Variants in UBXN2B observed in about 807,000 individuals in gnomAD.
UBXN2B encodes the protein UBX domain-containing protein 2B.
In UBXN2B, 19 loss-of-function variants were observed where a neutral mutation model predicts 37.5. The observed-to-expected ratio is 0.51, with a 90% CI of 0.35 to 0.74. UBXN2B has a LOEUF of 0.74. UBXN2B is among the 30% of genes least tolerant of loss of function. UBXN2B has a pLI of 0.01. For synonymous variants in UBXN2B, 145 were observed against 143.8 expected, an observed-to-expected ratio of 1.01 and a Z score of -0.06; for missense variants, 370 against 393.2, an observed-to-expected ratio of 0.94 and a Z score of 0.50.
chr8:58,427,281 T>C (rs190992913), intron 2 of UBXN2B, among the ~76,000 whole-genome samples: 97 of 152,198 alleles, frequency 6.4e-4, no homozygotes, highest in African/African-American at 2.2e-3. Context: ...ACCAGCCTGG[T>C]TAACAGGGCT....
At chr8:58,417,934 C>T (rs1198112042) in intron 2 of UBXN2B, among the ~76,000 whole-genome samples, 4 of 152,070 alleles carry the variant, frequency 2.6e-5, no homozygotes, top group Non-Finnish European at 5.9e-5. Context: ...ATTGATAACA[C>T]CTTACAAAAT....
intron 2 of UBXN2B, among the ~76,000 whole-genome samples, chr8:58,427,181 A>C (rs1290549519): frequency 6.6e-6 from 1 of 152,224 alleles, no homozygotes; most frequent in Non-Finnish European, 1.5e-5. Flanking sequence ...AAGATTTTGG[A>C]TTCAAGGCCA....
chr8:58,434,635 G>A (rs185739348), intron 5 of UBXN2B, 131 bp downstream of exon 5: 3 of 927,414 alleles, frequency 3.2e-6, no homozygotes, highest in African/African-American at 3.4e-5. Flanking sequence ...ATGGTTGCTG[G>A]GGGTGTAGGT....
intron 6 of UBXN2B, 74 bp from the exon 7 acceptor site, chr8:58,445,833 T>A: frequency 7.6e-7 from 1 of 1,310,374 alleles, no homozygotes; most frequent in South Asian, 1.7e-5. Flanking sequence ...AGCCATGTTC[T>A]AAGTGTTTAT....
rs1369116267 is a variant in UBXN2B, at chr8:58,411,423, A to C, written c.38A>C (p.Glu13Ala). Residue 13 changes from glutamate to alanine, a missense_variant, in exon 1 of 8, where the codon GAG (glutamate) becomes GCG (alanine). By Grantham distance (107) the Glu-to-Ala change is moderately radical (BLOSUM62 -1). This residue lies in a region of UBXN2B where 197 missense variants were observed against 170.2 expected (regional missense o/e 1.16). Transcript: ENST00000399598. ...EGGGPEPGEQ[E>A]RRSSGPRPPS... ...GGAGGCCCTGAGCCCGGCGAGCAGG[A>C]GAGGAGGTCTTCCGGGCCGCGGCCT... 7 of 1,267,756 alleles carry C rather than the reference A, an allele frequency of 5.5e-6. No homozygotes were observed. In the African/African-American group the frequency reaches 7.7e-5, roughly 14 times the overall value. The allele number at this position is 1,267,756 out of a possible 1,614,324, so 78.5% of individuals were successfully genotyped here. A position where few individuals can be genotyped will look rare whatever the true frequency, so the allele number is the denominator to read the frequency against.
rs1585589322 is a variant in UBXN2B at position 58,412,709 on chromosome 8, G to A, written c.84+1240G>A. Among the ~76,000 whole-genome samples the A allele has an allele frequency of 2.6e-5, 4 of 152,186 alleles. No individual in the cohort carries two copies. In the East Asian group the frequency reaches 7.7e-4, roughly 29 times the overall value. On this transcript the variant is annotated intron_variant, in intron 1 of 7. Transcript: ENST00000399598. ...CAATTTTGGTTTGCCTCTTAGTCCT[G>A]CTACTTAGTAGTTTTGTGAACTTAG...
intron 5 of UBXN2B, among the ~76,000 whole-genome samples, chr8:58,437,035 A>G (rs1042072681): frequency 2.6e-5 from 4 of 152,210 alleles, no homozygotes; most frequent in African/African-American, 9.6e-5. Context: ...CAGTGGTTGG[A>G]AGACTTTGGA....
At chr8:58,425,889 T>C (rs1839952127) in intron 2 of UBXN2B, 2 of 1,179,446 alleles carry the variant, frequency 1.7e-6, no homozygotes, top group African/African-American at 3.0e-5. Flanking sequence ...CCGTTATTGT[T>C]CTCCCCTTTG....
At chr8:58,430,974 C>A (rs186279841) in intron 3 of UBXN2B, among the ~76,000 whole-genome samples, 7 of 152,278 alleles carry the variant, frequency 4.6e-5, no homozygotes, top group East Asian at 1.9e-4. Context: ...ATGGTTCCCC[C>A]CAATGGTTAC....
At chr8:58,438,032 C>T (rs1808458449) in intron 5 of UBXN2B, among the ~76,000 whole-genome samples, 1 of 151,734 alleles carries the variant, frequency 6.6e-6, no homozygotes, top group East Asian at 2.0e-4. Flanking sequence ...GCCCAGCTGC[C>T]CTGTGCAGCC....
rs1808765766 is a variant in UBXN2B at position 58,449,858 on chromosome 8, A to G, written c.*2307A>G. On this transcript the variant is annotated 3_prime_UTR_variant, in exon 8 of 8. Transcript: ENST00000399598. ...TATTCTCTAAAGCTTTCTGTTAAAA[A>G]TGGTGGTGCTTCTGCTGCTATAACG... is the stretch of plus-strand genomic sequence containing the variant. 1 of 152,240 alleles carries G rather than the reference A, an allele frequency of 6.6e-6. No homozygotes were observed. 9.4% of individuals were successfully genotyped at this position (152,240 alleles called of 1,614,324 possible).
intron 2 of UBXN2B, among the ~76,000 whole-genome samples, chr8:58,423,988 A>G (rs1286781051): frequency 2.6e-5 from 4 of 151,930 alleles, no homozygotes; most frequent in East Asian, 1.9e-4. Flanking sequence ...TTCCTTTTCT[A>G]TGACTCTTCA....
At chr8:58,446,186 G>T in intron 7 of UBXN2B, 118 bp downstream of exon 7, 2 of 1,131,910 alleles carry the variant, frequency 1.8e-6, no homozygotes, top group Admixed American at 3.1e-5. Context: ...GTTTACTTTT[G>T]AAGTAAGTTT....
chr8:58,417,659 A>G (rs553477010), intron 2 of UBXN2B, among the ~76,000 whole-genome samples: 90 of 152,290 alleles, frequency 5.9e-4, no homozygotes, highest in Non-Finnish European at 9.4e-4. Flanking sequence ...TGGGGAAGAA[A>G]CGTCAGTTTT....
chr8:58,442,955 TCTC>T (rs937948064), intron 6 of UBXN2B, among the ~76,000 whole-genome samples: 3 of 152,176 alleles, frequency 2.0e-5, no homozygotes, highest in African/African-American at 4.8e-5. Flanking sequence ...AGGGCTGTCT[TCTC>T]TAAAACTTCA....
chr8:58,425,293 A>G, intron 2 of UBXN2B: 2 of 1,152,704 alleles, frequency 1.7e-6, no homozygotes, highest in Middle Eastern at 2.0e-4. Context: ...TCCTCTCTCC[A>G]CTTCTTTCGT....
intron 2 of UBXN2B, chr8:58,424,679 G>C: frequency 2.5e-6 from 3 of 1,182,600 alleles, no homozygotes; most frequent in Non-Finnish European, 3.7e-6. Context: ...TGGAGTTGGA[G>C]TACAAGGCGG....
chr8:58,431,004 T>C (rs971791931), intron 3 of UBXN2B, among the ~76,000 whole-genome samples: 1 of 152,186 alleles, frequency 6.6e-6, no homozygotes, highest in Non-Finnish European at 1.5e-5. Context: ...GATTGTAGTA[T>C]AATATGAAAG....
intron 4 of UBXN2B, 29 bp downstream of exon 4, chr8:58,433,272 A>G (rs1359809733): frequency 1.3e-6 from 2 of 1,541,510 alleles, no homozygotes; most frequent in Non-Finnish European, 1.8e-6. Flanking sequence ...ATGAAAAAGT[A>G]TAAATATTTG....
Sources: gnomAD v4.1 joint callset for allele counts (sites outside exome capture counted in the v4.1 genomes callset) on GRCh38, gnomAD v4.1.1 for gene constraint, gnomAD v4.1.1 regional missense constraint, MANE v1.5 for transcripts, NCBI Gene and HGNC (gene_info 2026-07-23, HGNC 2026-07-21) for gene names.